Variants in MRTFB observed in about 807,000 individuals in gnomAD.
The protein encoded by MRTFB is myocardin-related transcription factor B.
Under a neutral mutation model 104.2 loss-of-function variants are expected in MRTFB, and 29 were observed. The ratio of observed to expected loss-of-function variants is 0.28; its 90% CI spans 0.21 to 0.38. The LOEUF (loss-of-function observed/expected upper bound fraction) is 0.38, where lower values mean the gene tolerates loss of function less well. Among genes scored for constraint, MRTFB ranks in the 10% least tolerant of loss-of-function variants. The pLI, the probability that MRTFB is intolerant of heterozygous loss-of-function variation, is 1.00. For missense variants in MRTFB, 1,270 were observed against 1,341.6 expected (o/e 0.95, Z 0.83); for synonymous variants, 535 against 519.5 (o/e 1.03, Z -0.41).
chr16:14,219,447 T>C (rs994863321), intron 8 of MRTFB, among the ~76,000 whole-genome samples: 3 of 152,218 alleles, frequency 2.0e-5, no homozygotes, highest in African/African-American at 7.2e-5. Context: ...TTTCTCTCCT[T>C]ATAGTGCTTT....
At chr16:14,030,629 T>C in the MRTFB span, among the ~76,000 whole-genome samples, 2 of 152,192 alleles carry the variant, frequency 1.3e-5, no homozygotes, top group African/African-American at 2.4e-5. Flanking sequence ...TCCTCCCAAC[T>C]GCCTTTCAAG....
At chr16:14,008,651 T>C in the MRTFB span, among the ~76,000 whole-genome samples, 2 of 152,244 alleles carry the variant, frequency 1.3e-5, no homozygotes, top group Non-Finnish European at 2.9e-5. Context: ...TTTTGAAGGT[T>C]AACTGCTCTG....
At chr16:14,118,565 A>T (rs2036666394) in intron 2 of MRTFB, among the ~76,000 whole-genome samples, 1 of 151,524 alleles carries the variant, frequency 6.6e-6, no homozygotes, top group Admixed American at 6.6e-5. Flanking sequence ...CTTTGGGGAA[A>T]CTGAGTTGGG....
At chr16:14,130,959 A>G (rs1446303266) in intron 2 of MRTFB, among the ~76,000 whole-genome samples, 2 of 152,172 alleles carry the variant, frequency 1.3e-5, no homozygotes, top group African/African-American at 4.8e-5. Context: ...TGATTCAGTT[A>G]CCTTCCACTG....
chr16:14,139,418 G>A (rs909921332), intron 2 of MRTFB, among the ~76,000 whole-genome samples: 4 of 152,142 alleles, frequency 2.6e-5, no homozygotes, highest in African/African-American at 9.7e-5. Context: ...ATGAAGTACC[G>A]AGGATGTGGA....
chr16:14,049,228 C>T, the MRTFB span, among the ~76,000 whole-genome samples: 45 of 152,236 alleles, frequency 3.0e-4, no homozygotes, highest in Non-Finnish European at 5.0e-4. Context: ...ACTAAATCTA[C>T]ATGCCAGTTC....
intron 3 of MRTFB, chr16:14,144,132 G>C (rs2038168924): frequency 6.6e-6 from 1 of 152,112 alleles, no homozygotes; most frequent in African/African-American, 2.4e-5. Flanking sequence ...CCTGAAAGTA[G>C]CTTCAAAAGA....
the MRTFB span, among the ~76,000 whole-genome samples, chr16:14,004,746 G>A: frequency 6.6e-6 from 1 of 152,252 alleles, no homozygotes; most frequent in Non-Finnish European, 1.5e-5. Context: ...ATTTGGAAGA[G>A]GAAGCTTCAG....
At chr16:14,031,885 G>T in the MRTFB span, among the ~76,000 whole-genome samples, 1 of 152,224 alleles carries the variant, frequency 6.6e-6, no homozygotes, top group Admixed American at 6.5e-5. Context: ...TCGGCTCTCT[G>T]CAACCTCCGT....
chr16:14,062,258 A>T, the MRTFB span, among the ~76,000 whole-genome samples: 1 of 151,966 alleles, frequency 6.6e-6, no homozygotes, highest in Non-Finnish European at 1.5e-5. Context: ...ACTCCTGGCT[A>T]ATTTTTATAT....
chr16:14,000,426 T>C, the MRTFB span, among the ~76,000 whole-genome samples: 2 of 152,236 alleles, frequency 1.3e-5, no homozygotes, highest in South Asian at 4.1e-4. Context: ...TCACATCTGA[T>C]GCTCCAGGAG....
chr16:14,232,285 C>T (rs193272433), intron 8 of MRTFB, among the ~76,000 whole-genome samples: 4 of 152,298 alleles, frequency 2.6e-5, no homozygotes, highest in African/African-American at 7.2e-5. Flanking sequence ...CCTCTGTGAA[C>T]ACTGACCCAG....
At chr16:14,201,015 GAA>G in intron 3 of MRTFB, 1 of 1,464,824 alleles carries the variant, frequency 6.8e-7, no homozygotes, top group Non-Finnish European at 9.5e-7. Flanking sequence ...GGGAACAACT[GAA>G]GAGATAAGTC....
At chr16:14,132,802 T>G (rs2037504890) in intron 2 of MRTFB, among the ~76,000 whole-genome samples, 1 of 152,174 alleles carries the variant, frequency 6.6e-6, no homozygotes, top group African/African-American at 2.4e-5. Flanking sequence ...TTCCCTTTGT[T>G]TCAGGACATG....
chr16:14,107,166 G>T (rs1052187574), intron 2 of MRTFB, among the ~76,000 whole-genome samples: 1 of 152,210 alleles, frequency 6.6e-6, no homozygotes, highest in African/African-American at 2.4e-5. Flanking sequence ...AACCTGAGAG[G>T]TGGAGATTAC....
At chr16:14,117,792 A>G (rs2036617868) in intron 2 of MRTFB, among the ~76,000 whole-genome samples, 1 of 152,134 alleles carries the variant, frequency 6.6e-6, no homozygotes, top group Non-Finnish European at 1.5e-5. Context: ...GGATGACTTT[A>G]TAGGGAAAAA....
chr16:14,254,701 A>G (rs901311492), intron 15 of MRTFB, among the ~76,000 whole-genome samples: 1 of 152,282 alleles, frequency 6.6e-6, no homozygotes, highest in African/African-American at 2.4e-5. Flanking sequence ...AGCTTGCTAA[A>G]ACAATAGAAA....
intron 8 of MRTFB, among the ~76,000 whole-genome samples, chr16:14,229,936 A>G (rs549235911): frequency 8.5e-5 from 13 of 152,272 alleles, no homozygotes; most frequent in East Asian, 1.9e-4. Context: ...AAACAATTCA[A>G]TCATTTTGAA....
At chr16:14,054,853 T>A in the MRTFB span, among the ~76,000 whole-genome samples, 5 of 152,294 alleles carry the variant, frequency 3.3e-5, no homozygotes, top group Middle Eastern at 0.014. Context: ...GTTTCCAGAT[T>A]CACATTGCTG....
Sources: allele counts gnomAD v4.1 joint callset (sites outside exome capture counted in the v4.1 genomes callset), GRCh38; gene constraint gnomAD v4.1.1; transcripts MANE v1.5; gene names NCBI Gene and HGNC (gene_info 2026-07-23, HGNC 2026-07-21).